The following ATAD2B variants were observed in gnomAD, a reference collection of about 807,000 sequenced individuals.
ATAD2B encodes ATPase family AAA domain-containing protein 2B.
In ATAD2B, 40 loss-of-function variants were observed where a neutral mutation model predicts 167.6. That is an observed-to-expected ratio of 0.24 (90% CI 0.19 to 0.31). The LOEUF is 0.31. Ranked by LOEUF, ATAD2B falls within the 10% of genes least tolerant of loss-of-function variation. The pLI, the probability that ATAD2B is intolerant of heterozygous loss-of-function variation, is 1.00. For missense variants in ATAD2B, 1,242 were observed against 1,757.2 expected, an observed-to-expected ratio of 0.71 and a Z score of 5.24; for synonymous variants, 579 against 596.5, an observed-to-expected ratio of 0.97 and a Z score of 0.43.
intron 13 of ATAD2B, among the ~76,000 whole-genome samples, chr2:23,853,679 T>C (rs1692913691): frequency 6.6e-6 from 1 of 152,206 alleles, no homozygotes. Context: ...CCAACAGTCT[T>C]TTCTAAAGAA....
chr2:23,752,077 C>A lies in ATAD2B; in HGVS notation c.4346G>T (p.Arg1449Ile). 6.4e-7 allele frequency: 1 copy of A among 1,560,124 alleles called. No individual in the cohort carries two copies. Among genetic ancestry groups the A allele is most frequent in the Non-Finnish European group, 8.7e-7 (1 of 1,149,176 alleles). The change falls in exon 28 of 28, where the codon AGA becomes ATA. Residue 1449 changes from arginine (R) to isoleucine (I), a missense_variant. Arg to Ile is a moderately conservative substitution (Grantham distance 97). Coordinates refer to ENST00000238789, the MANE Select transcript of ATAD2B (RefSeq NM_017552.4). ...GAATGTCTCAAACATATGAACTGTTCTTTCCATCTCCTATAAAAGGAAAAA... is the reference window on the plus strand; with the variant it reads ...GAATGTCTCAAACATATGAACTGTTATTTCCATCTCCTATAAAAGGAAAAA... ...DKSQLVEEME[R>I]TVHMFETFL
chr2:23,839,730 T>C (rs73922019), intron 13 of ATAD2B, among the ~76,000 whole-genome samples: 3,950 of 152,276 alleles, frequency 0.026, 188 homozygotes, highest in African/African-American at 0.09. Context: ...GAAGGTATAA[T>C]TGACATACAA....
the ATAD2B span, among the ~76,000 whole-genome samples, chr2:23,728,227 A>T: frequency 4.6e-5 from 7 of 151,632 alleles, no homozygotes; most frequent in East Asian, 1.9e-4. Context: ...AAACTGCTTT[A>T]AAAAAAAGGT....
intron 13 of ATAD2B, among the ~76,000 whole-genome samples, chr2:23,839,366 T>C (rs918264190): frequency 6.6e-6 from 1 of 152,140 alleles, no homozygotes; most frequent in African/African-American, 2.4e-5. Flanking sequence ...ACATTAAGTC[T>C]GTTTGTTGTA....
chr2:23,924,368 T>C (rs1704411047), intron 1 of ATAD2B, among the ~76,000 whole-genome samples: 1 of 152,186 alleles, frequency 6.6e-6, no homozygotes, highest in African/African-American at 2.4e-5. Context: ...GGCAAATGCT[T>C]ATTACAGACC....
intron 1 of ATAD2B, among the ~76,000 whole-genome samples, chr2:23,920,514 C>A (rs1322172558): frequency 3.3e-5 from 5 of 152,160 alleles, no homozygotes; most frequent in Admixed American, 3.3e-4. Flanking sequence ...ATTCATTTAA[C>A]AGATATTTAT....
At chr2:23,692,123 G>A in the ATAD2B span, among the ~76,000 whole-genome samples, 1 of 152,230 alleles carries the variant, frequency 6.6e-6, no homozygotes, top group Non-Finnish European at 1.5e-5. Context: ...GGCATACTGT[G>A]CCCCGCCAGG....
chr2:23,803,802 G>A (rs142162675), intron 18 of ATAD2B, among the ~76,000 whole-genome samples: 100 of 152,240 alleles, frequency 6.6e-4, no homozygotes, highest in African/African-American at 2.2e-3. Context: ...ACCTTACCAC[G>A]CATATACATA....
chr2:23,724,478 A>T, the ATAD2B span, among the ~76,000 whole-genome samples: 1 of 152,106 alleles, frequency 6.6e-6, no homozygotes, highest in Non-Finnish European at 1.5e-5. Flanking sequence ...TATATTTTTT[A>T]AATTGAAAAG....
At chr2:23,924,539 TA>T (rs1230542876) in intron 1 of ATAD2B, among the ~76,000 whole-genome samples, 2 of 152,180 alleles carry the variant, frequency 1.3e-5, no homozygotes, top group Non-Finnish European at 2.9e-5. Flanking sequence ...TATCCTCTTC[TA>T]AAGGTCCAAT....
intron 16 of ATAD2B, among the ~76,000 whole-genome samples, chr2:23,820,184 C>A (rs1214124459): frequency 4.0e-5 from 6 of 151,548 alleles, no homozygotes; most frequent in Admixed American, 6.6e-5. Flanking sequence ...TAAAATCCCA[C>A]CTATTTAACT....
intron 15 of ATAD2B, among the ~76,000 whole-genome samples, chr2:23,827,083 AT>A (rs890043382): frequency 1.3e-5 from 2 of 149,600 alleles, no homozygotes. Flanking sequence ...TCTGAATTTG[AT>A]TTTTTTTTTA....
At chr2:23,782,170 C>G (rs1017672220) in intron 22 of ATAD2B, among the ~76,000 whole-genome samples, 4 of 152,146 alleles carry the variant, frequency 2.6e-5, no homozygotes, top group Non-Finnish European at 5.9e-5. Context: ...CATTTTCTTG[C>G]CTTCTAGGTT....
downstream of ATAD2B, among the ~76,000 whole-genome samples, chr2:23,745,420 G>GGAA (rs1485141806): frequency 7.2e-5 from 9 of 125,352 alleles, no homozygotes; most frequent in South Asian, 2.6e-4. Context: ...AAGGAAGGAA[G>GGAA]GAAAGGGAAG....
the ATAD2B span, among the ~76,000 whole-genome samples, chr2:23,700,598 G>C: frequency 6.6e-6 from 1 of 152,166 alleles, no homozygotes; most frequent in Non-Finnish European, 1.5e-5. This position sits in a 1 kb window ranked among gnomAD's most constrained non-coding sequence, Gnocchi z 4.6. Context: ...TTTCCCTAGA[G>C]AGCTGGCTGT....
intron 14 of ATAD2B, 50 bp downstream of exon 14, chr2:23,833,869 A>G: frequency 7.1e-7 from 1 of 1,407,242 alleles, no homozygotes; most frequent in Non-Finnish European, 9.7e-7. Context: ...CATATGCCTT[A>G]TAGTAGAATT....
intron 18 of ATAD2B, among the ~76,000 whole-genome samples, 181 bp downstream of exon 18, chr2:23,810,135 A>G (rs1436586221): frequency 6.6e-6 from 1 of 152,230 alleles, no homozygotes; most frequent in African/African-American, 2.4e-5. Flanking sequence ...CTCACTTAAA[A>G]AACTGTATGC....
At chr2:23,825,122 T>TC (rs1380177219) in intron 15 of ATAD2B, among the ~76,000 whole-genome samples, 1 of 148,482 alleles carries the variant, frequency 6.7e-6, no homozygotes, top group East Asian at 2.0e-4. Flanking sequence ...TTTTTTTTTT[T>TC]TTTTTTTTGT....
At chr2:23,698,923 A>AATC in the ATAD2B span, among the ~76,000 whole-genome samples, 6 of 152,318 alleles carry the variant, frequency 3.9e-5, no homozygotes, top group South Asian at 1.2e-3. Context: ...ACAGCCACAT[A>AATC]ATCTTCCACT....
Sources: gnomAD v4.1 joint callset for allele counts (sites outside exome capture counted in the v4.1 genomes callset) on GRCh38, gnomAD v4.1.1 for gene constraint, Gnocchi (gnomAD v3.1) non-coding constraint, MANE v1.5 for transcripts, NCBI Gene and HGNC (gene_info 2026-07-23, HGNC 2026-07-21) for gene names.